Variants in NYAP2 observed in about 807,000 individuals in gnomAD.
The protein encoded by NYAP2 is neuronal tyrosine-phosphorylated phosphoinositide-3-kinase adapter 2.
A neutral mutation model predicts 50.4 loss-of-function variants in NYAP2; 23 were observed. The ratio of observed to expected loss-of-function variants is 0.46; its 90% CI spans 0.33 to 0.65. The LOEUF is 0.65. Among genes scored for constraint, NYAP2 ranks in the 30% least tolerant of loss-of-function variants. The probability of loss-of-function intolerance (pLI) is 0.02; values close to 1 mark genes in which losing one functional copy is unlikely to be tolerated. For synonymous variants in NYAP2, 394 were observed against 365.2 expected (o/e 1.08, Z -0.90); for missense variants, 885 against 861.0 (o/e 1.03, Z -0.35).
At chr2:225,474,463 G>A (rs1690066940) in intron 3 of NYAP2, among the ~76,000 whole-genome samples, 2 of 152,164 alleles carry the variant, frequency 1.3e-5, no homozygotes, top group African/African-American at 4.8e-5. Flanking sequence ...TCTTCCATTT[G>A]TTTGTATCCT....
chr2:225,628,498 T>C (rs1360988905), intron 6 of NYAP2, among the ~76,000 whole-genome samples: 3 of 151,960 alleles, frequency 2.0e-5, no homozygotes, highest in Non-Finnish European at 4.4e-5. Flanking sequence ...AGTTTTTGTA[T>C]TTTTAATAGA....
chr2:225,691,346 C>G, the NYAP2 span, among the ~76,000 whole-genome samples: 1 of 151,778 alleles, frequency 6.6e-6, no homozygotes. Flanking sequence ...TTATGTACAC[C>G]ACCATTTGAA....
At chr2:225,535,705 A>T (rs1186070965) in intron 4 of NYAP2, among the ~76,000 whole-genome samples, 1 of 152,188 alleles carries the variant, frequency 6.6e-6, no homozygotes, top group Non-Finnish European at 1.5e-5. Flanking sequence ...GTCAGATAGA[A>T]TCAAGGAGGC....
chr2:225,584,309 A>T (rs907836076), intron 5 of NYAP2, among the ~76,000 whole-genome samples: 1 of 152,230 alleles, frequency 6.6e-6, no homozygotes, highest in Admixed American at 6.5e-5. Flanking sequence ...CAGAAAAGTC[A>T]CTAAGGTGGT....
chr2:225,418,369 T>C (rs922424359), intron 3 of NYAP2, among the ~76,000 whole-genome samples: 8 of 151,606 alleles, frequency 5.3e-5, no homozygotes, highest in African/African-American at 7.3e-5. Flanking sequence ...CAGGGTGAAA[T>C]TGGGATGAGA....
intron 4 of NYAP2, among the ~76,000 whole-genome samples, chr2:225,530,493 C>A (rs1287883136): frequency 2.6e-5 from 4 of 152,320 alleles, no homozygotes; most frequent in Middle Eastern, 3.4e-3. Context: ...CTCCATACTT[C>A]CTAAATCCCA....
the NYAP2 span, among the ~76,000 whole-genome samples, chr2:225,687,832 A>C: frequency 1.8e-4 from 28 of 152,290 alleles, no homozygotes; most frequent in East Asian, 5.4e-3. Context: ...GAAAGGTCAG[A>C]TCTTGAGAGA....
chr2:225,425,668 GTGGTAGGA>G (rs1695276660), intron 3 of NYAP2, among the ~76,000 whole-genome samples: 2 of 152,154 alleles, frequency 1.3e-5, no homozygotes, highest in Non-Finnish European at 2.9e-5. Context: ...CTTTTTCCCT[GTGGTAGGA>G]TGGAAACGAC....
intron 5 of NYAP2, among the ~76,000 whole-genome samples, chr2:225,583,382 G>T (rs767466985): frequency 6.6e-6 from 1 of 152,094 alleles, no homozygotes; most frequent in Non-Finnish European, 1.5e-5. Flanking sequence ...GATAACGCAC[G>T]GAGTACGTGG....
At chr2:225,697,689 G>A in the NYAP2 span, among the ~76,000 whole-genome samples, 1 of 151,754 alleles carries the variant, frequency 6.6e-6, no homozygotes, top group Admixed American at 6.6e-5. Flanking sequence ...AAAGTTACAG[G>A]TAAATATTTG....
intron 3 of NYAP2, among the ~76,000 whole-genome samples, chr2:225,436,397 T>A (rs1433074729): frequency 6.6e-6 from 1 of 152,152 alleles, no homozygotes; most frequent in Admixed American, 6.5e-5. Context: ...TTGCTGACAA[T>A]CTCTGGCATT....
chr2:225,641,840 A>G (rs900836262), intron 6 of NYAP2, among the ~76,000 whole-genome samples: 2 of 151,920 alleles, frequency 1.3e-5, no homozygotes, highest in Non-Finnish European at 2.9e-5. Flanking sequence ...AAAGAAAACT[A>G]GTCAATGTAA....
At position 225,446,812 on chromosome 2, in the gene NYAP2, T is replaced by C. The variant is rs376571564; in HGVS notation, c.221+37711T>C. Among the ~76,000 whole-genome samples, 5 of 152,240 alleles carry C rather than the reference T, an allele frequency of 3.3e-5. No individual in the cohort carries two copies. The East Asian group carries it at 7.7e-4, about 24-fold the overall frequency. The stretch of plus-strand genomic sequence containing the variant: ...GACTACTGCGCCTGTTAAATTTGGC[T>C]GGTAAAAAGACAATGAGCCCAAATA... On this transcript the variant is annotated intron_variant, in intron 3 of 6. Transcript: ENST00000636099.
chr2:225,576,721 A>G (rs1692175827), intron 4 of NYAP2, among the ~76,000 whole-genome samples: 1 of 152,268 alleles, frequency 6.6e-6, no homozygotes, highest in Non-Finnish European at 1.5e-5. Flanking sequence ...ACTTTATGCC[A>G]TATACAAAAT....
intron 4 of NYAP2, among the ~76,000 whole-genome samples, chr2:225,562,106 C>T (rs1407539780): frequency 6.6e-6 from 1 of 152,112 alleles, no homozygotes; most frequent in African/African-American, 2.4e-5. Flanking sequence ...GCTTTTCCTA[C>T]TTGTTTTGTC....
intron 3 of NYAP2, among the ~76,000 whole-genome samples, chr2:225,444,267 C>T (rs1043707601): frequency 2.6e-5 from 4 of 152,010 alleles, no homozygotes; most frequent in Admixed American, 6.6e-5. Context: ...AACATTCACA[C>T]CAACATGGCC....
In NYAP2 at chr2:225,409,158, T is replaced by A. The variant is rs955478449; in HGVS notation, c.221+57T>A. ...TGCACATGAGAAAGTCCATGAGGGC[T>A]GCTAAAGTTGTGATGTTGTCACTTG... On this transcript the variant is annotated intron_variant, in intron 3 of 6. Transcript: ENST00000636099. 9.4e-6 allele frequency: 12 copies of A among 1,276,954 alleles called. No homozygotes were observed. The African/African-American group carries it at 1.5e-4, about 16-fold the overall frequency. The allele number at this position is 1,276,954 out of a possible 1,614,324, so 79.1% of individuals were successfully genotyped here.
intron 4 of NYAP2, among the ~76,000 whole-genome samples, chr2:225,548,294 A>C (rs911748170): frequency 7.4e-5 from 11 of 149,142 alleles, no homozygotes; most frequent in African/African-American, 2.7e-4. Context: ...ATTTTTCCTT[A>C]ACTCTTATAG....
chr2:225,481,165 T>C (rs1046297508), intron 3 of NYAP2, among the ~76,000 whole-genome samples: 11 of 152,124 alleles, frequency 7.2e-5, no homozygotes, highest in Non-Finnish European at 5.9e-5. Context: ...CTCAGAAATA[T>C]TTGTCAATTA....
Sources: allele counts gnomAD v4.1 joint callset (sites outside exome capture counted in the v4.1 genomes callset), GRCh38; gene constraint gnomAD v4.1.1; transcripts MANE v1.5; gene names NCBI Gene and HGNC (gene_info 2026-07-23, HGNC 2026-07-21).